DEPDC5: variants seen among roughly 807,000 people sequenced by gnomAD.
The protein encoded by DEPDC5 is GATOR1 complex protein DEPDC5.
A neutral mutation model predicts 217.3 loss-of-function variants in DEPDC5; 73 were observed. The ratio of observed to expected loss-of-function variants is 0.34; its 90% CI spans 0.28 to 0.41. The LOEUF is 0.41. Among genes scored for constraint, DEPDC5 ranks in the 10% least tolerant of loss-of-function variants. The pLI, the probability that DEPDC5 is intolerant of heterozygous loss-of-function variation, is 1.00. For synonymous variants in DEPDC5, 733 were observed against 756.7 expected, an observed-to-expected ratio of 0.97 and a Z score of 0.51; for missense variants, 1,675 against 2,070.1, an observed-to-expected ratio of 0.81 and a Z score of 3.70.
intron 2 of DEPDC5, chr22:31,755,397 G>A: frequency 1.0e-5 from 2 of 192,414 alleles, no homozygotes; most frequent in South Asian, 1.8e-4. Flanking sequence ...TGGCTTGTAG[G>A]CATGGGAAGA....
At chr22:31,801,737 G>T (rs538928533) in intron 14 of DEPDC5, among the ~76,000 whole-genome samples, 1 of 152,252 alleles carries the variant, frequency 6.6e-6, no homozygotes, top group South Asian at 2.1e-4. Flanking sequence ...CTCCAGTTAG[G>T]TGTCCATCTG....
chr22:31,838,351 T>C (rs761082462), intron 26 of DEPDC5, among the ~76,000 whole-genome samples: 2 of 152,138 alleles, frequency 1.3e-5, no homozygotes, highest in Non-Finnish European at 2.9e-5. Flanking sequence ...AGTGATGCAA[T>C]CTTGGCTCAC....
intron 22 of DEPDC5, among the ~76,000 whole-genome samples, chr22:31,820,023 G>T (rs1170878544): frequency 6.6e-6 from 1 of 152,122 alleles, no homozygotes. Context: ...ATGACAGTAA[G>T]ATTGTCTCAA....
chr22:31,829,801 C>A (rs527939860), intron 24 of DEPDC5, among the ~76,000 whole-genome samples: 73 of 152,294 alleles, frequency 4.8e-4, no homozygotes, highest in African/African-American at 1.5e-3. Context: ...CCAGCAGAGA[C>A]AGGGCAGTTG....
intron 24 of DEPDC5, among the ~76,000 whole-genome samples, chr22:31,830,656 T>TGA (rs1057162867): frequency 6.6e-6 from 1 of 151,890 alleles, no homozygotes; most frequent in Admixed American, 6.6e-5. Context: ...TGTGTGTGTG[T>TGA]GTGTGTGTGT....
intron 33 of DEPDC5, among the ~76,000 whole-genome samples, chr22:31,866,782 T>TC (rs1366798362): frequency 3.3e-5 from 5 of 152,194 alleles, no homozygotes; most frequent in Admixed American, 3.3e-4. Context: ...AGGTTTTTTT[T>TC]CATGGTTAGA....
chr22:31,903,623 A>C, intron 41 of DEPDC5, among the ~76,000 whole-genome samples: 1 of 19,160 alleles, frequency 5.2e-5, no homozygotes, highest in Non-Finnish European at 9.9e-5. Context: ...CACCTTCCAC[A>C]CCTAAACCCC....
intron 38 of DEPDC5, among the ~76,000 whole-genome samples, chr22:31,885,914 AC>A (rs1160344923): frequency 6.6e-6 from 1 of 150,648 alleles, no homozygotes; most frequent in African/African-American, 2.5e-5. Flanking sequence ...GGCACATGTA[AC>A]CCCAGCTACT....
At chr22:31,797,532 T>TGG in intron 12 of DEPDC5, 68 bp from the exon 13 acceptor site, 6 of 1,267,052 alleles carry the variant, frequency 4.7e-6, no homozygotes, top group Non-Finnish European at 6.9e-6. Flanking sequence ...AGATGAAATT[T>TGG]GGGAGGGGAC....
rs886039270 is a variant in DEPDC5 at position 31,879,757 on chromosome 22, A to G, written c.4033+5A>G. On this transcript the variant is annotated splice_donor_5th_base_variant and intron_variant, in intron 38 of 42. Transcript: ENST00000651528. ...GCCAGGCGGCAGCACTTTTAGGTACATGCTCAACCCAGACAAGGTCTGAGG... is the reference window on the plus strand; with the variant it reads ...GCCAGGCGGCAGCACTTTTAGGTACGTGCTCAACCCAGACAAGGTCTGAGG... The G allele has an allele frequency of 8.7e-6, 14 of 1,611,940 alleles. No individual in the cohort carries two copies. Among genetic ancestry groups the G allele is most frequent in the African/African-American group, 6.7e-5 (5 of 74,892 alleles).
At chr22:31,844,112 A>G (rs1569085186) in intron 29 of DEPDC5, among the ~76,000 whole-genome samples, 1 of 152,030 alleles carries the variant, frequency 6.6e-6, no homozygotes, top group South Asian at 2.1e-4. Flanking sequence ...TGTAATCCCA[A>G]CTACTTGGGA....
chr22:31,784,896 TAA>T, intron 10 of DEPDC5, 21 bp downstream of exon 10: 2 of 1,600,462 alleles, frequency 1.2e-6, no homozygotes, highest in Admixed American at 3.4e-5. Context: ...TCTTACACAC[TAA>T]GTCTCATTAT....
At chr22:31,901,322 G>A (rs113497701) in intron 40 of DEPDC5, among the ~76,000 whole-genome samples, 3 of 152,206 alleles carry the variant, frequency 2.0e-5, no homozygotes, top group African/African-American at 7.2e-5. Flanking sequence ...AAGGTAGGAG[G>A]ATCACTTGAG....
At chr22:31,771,044 A>G (rs1284656494) in intron 7 of DEPDC5, among the ~76,000 whole-genome samples, 3 of 151,998 alleles carry the variant, frequency 2.0e-5, no homozygotes, top group African/African-American at 7.2e-5. Context: ...CAGCCTCCCA[A>G]AGCACTGGGA....
intron 33 of DEPDC5, among the ~76,000 whole-genome samples, chr22:31,864,715 G>A (rs1462765566): frequency 6.6e-6 from 1 of 151,408 alleles, no homozygotes; most frequent in Non-Finnish European, 1.5e-5. Context: ...TTGAGATGGA[G>A]TCTTGCTCTG....
intron 37 of DEPDC5, among the ~76,000 whole-genome samples, chr22:31,879,222 T>TGGA (rs2093106764): frequency 6.6e-6 from 1 of 151,674 alleles, no homozygotes; most frequent in African/African-American, 2.4e-5. Flanking sequence ...ATCCACAGTG[T>TGGA]TGTACAACTA....
chr22:31,798,757 C>A, intron 14 of DEPDC5, 101 bp downstream of exon 14: 1 of 1,165,568 alleles, frequency 8.6e-7, no homozygotes, highest in Non-Finnish European at 1.2e-6. Flanking sequence ...GTTCTTGGAT[C>A]TTGCAGAAGA....
intron 22 of DEPDC5, among the ~76,000 whole-genome samples, chr22:31,820,579 A>C (rs976976830): frequency 2.6e-5 from 4 of 151,920 alleles, no homozygotes; most frequent in African/African-American, 9.7e-5. Context: ...CTGCCCCCTT[A>C]TCTCTGCTAT....
intron 10 of DEPDC5, among the ~76,000 whole-genome samples, chr22:31,789,285 A>G (rs1250765482): frequency 6.6e-6 from 1 of 152,278 alleles, no homozygotes; most frequent in Non-Finnish European, 1.5e-5. Flanking sequence ...TATCCATACA[A>G]TGTAGTATTA....
Sources: gnomAD v4.1 joint callset for allele counts (sites outside exome capture counted in the v4.1 genomes callset) on GRCh38, gnomAD v4.1.1 for gene constraint, MANE v1.5 for transcripts, NCBI Gene and HGNC (gene_info 2026-07-23, HGNC 2026-07-21) for gene names.